NPHP4: variants seen among roughly 807,000 people sequenced by gnomAD.
NPHP4 encodes nephrocystin-4.
In NPHP4, 151 loss-of-function variants were observed where a neutral mutation model predicts 155.8. The ratio of observed to expected loss-of-function variants is 0.97; its 90% CI spans 0.85 to 1.11. The LOEUF (loss-of-function observed/expected upper bound fraction) is 1.11, where lower values mean the gene tolerates loss of function less well. Ranked by LOEUF, NPHP4 falls within the 50% of genes least tolerant of loss-of-function variation. The pLI is 0.00. For synonymous variants in NPHP4, 845 were observed against 816.8 expected (o/e 1.03, Z -0.59); for missense variants, 1,956 against 1,925.7 (o/e 1.02, Z -0.29).
intron 18 of NPHP4, among the ~76,000 whole-genome samples, chr1:5,883,519 G>A (rs1643493414): frequency 6.6e-6 from 1 of 152,162 alleles, no homozygotes; most frequent in African/African-American, 2.4e-5. Flanking sequence ...AGCAGCTCAC[G>A]GGCTGGCAGT....
intron 22 of NPHP4, chr1:5,873,695 C>G (rs554978470): frequency 1.3e-4 from 47 of 357,648 alleles, no homozygotes; most frequent in African/African-American, 9.9e-4. Flanking sequence ...GAGCTGACCC[C>G]AAAAGGTCAA....
intron 7 of NPHP4, among the ~76,000 whole-genome samples, chr1:5,949,369 C>CACACACACACACACACACACACACAAT (rs1047844844): frequency 6.6e-5 from 10 of 151,822 alleles, no homozygotes; most frequent in African/African-American, 2.4e-4. Context: ...CACACACACA[C>CACACACACACACACACACACACACAAT]AACTTGCTAA....
intron 1 of NPHP4, among the ~76,000 whole-genome samples, chr1:5,990,791 T>C (rs1656131717): frequency 6.6e-6 from 1 of 152,254 alleles, no homozygotes; most frequent in Admixed American, 6.5e-5. Context: ...CCAGGGCTAA[T>C]GCTGTCTCCT....
At chr1:5,866,574 A>T in intron 25 of NPHP4, 116 bp from the exon 26 acceptor site, 1 of 683,872 alleles carries the variant, frequency 1.5e-6, no homozygotes, top group South Asian at 1.7e-5. Context: ...CCCAGAACGC[A>T]TCTGTTCATG....
chr1:5,972,618 T>C (rs1200831717), intron 3 of NPHP4, among the ~76,000 whole-genome samples: 1 of 152,200 alleles, frequency 6.6e-6, no homozygotes, highest in Non-Finnish European at 1.5e-5. Flanking sequence ...GGTCCCTGCT[T>C]ATGGAAAAGC....
At chr1:5,971,789 G>A (rs1173575488) in intron 3 of NPHP4, among the ~76,000 whole-genome samples, 1 of 150,926 alleles carries the variant, frequency 6.6e-6, no homozygotes, top group Admixed American at 6.6e-5. Flanking sequence ...AACTGAAACT[G>A]CACTATTAAA....
At chr1:5,912,996 C>T (rs1471733775) in intron 11 of NPHP4, among the ~76,000 whole-genome samples, 2 of 152,028 alleles carry the variant, frequency 1.3e-5, no homozygotes, top group South Asian at 2.1e-4. Context: ...ACTAAAAATA[C>T]AAAAATTAGC....
chr1:5,870,103 G>A (rs184034178), intron 23 of NPHP4, among the ~76,000 whole-genome samples: 10 of 152,254 alleles, frequency 6.6e-5, no homozygotes, highest in South Asian at 2.1e-4. Context: ...TACATCTAAC[G>A]CTCAAATCTT....
chr1:5,868,633 T>G (rs989630316), intron 23 of NPHP4, among the ~76,000 whole-genome samples: 2 of 136,992 alleles, frequency 1.5e-5, no homozygotes, highest in Admixed American at 1.5e-4. Flanking sequence ...CATGCAAACA[T>G]GCACCCATGC....
chr1:5,898,731 T>C (rs1433135727), intron 16 of NPHP4, among the ~76,000 whole-genome samples: 3 of 152,248 alleles, frequency 2.0e-5, no homozygotes, highest in African/African-American at 7.2e-5. Flanking sequence ...GGGCTGGGAA[T>C]TGGCTTGTCT....
At position 5,912,752 on chromosome 1, in the gene NPHP4, AAC is replaced by A. The variant is rs369702334; in HGVS notation, c.1442-3541_1442-3540del. Among the ~76,000 whole-genome samples, 1,309 of 152,270 alleles carry A rather than the reference AAC, an allele frequency of 8.6e-3. 13 individuals carry two copies. The highest frequency in any genetic ancestry group is 0.031 in the Middle Eastern group (9 of 294). On this transcript the variant is annotated intron_variant, in intron 11 of 29. Coordinates refer to ENST00000378156, the MANE Select transcript of NPHP4 (RefSeq NM_015102.5). Reference sequence around the variant, plus strand: ...GGTCCCTGATGGAGCCTGAAGTAGTAACACAGTCAGCACAGAATGGAAAGCTG... The same window carrying A: ...GGTCCCTGATGGAGCCTGAAGTAGTAACAGTCAGCACAGAATGGAAAGCTG...
At chr1:5,980,960 T>C (rs1654581827) in intron 2 of NPHP4, among the ~76,000 whole-genome samples, 2 of 152,128 alleles carry the variant, frequency 1.3e-5, no homozygotes, top group Non-Finnish European at 2.9e-5. Flanking sequence ...ACCTGCCCTC[T>C]GAGCCTGCCT....
chr1:5,950,168 G>A (rs887369672), intron 7 of NPHP4, among the ~76,000 whole-genome samples: 1 of 152,164 alleles, frequency 6.6e-6, no homozygotes, highest in African/African-American at 2.4e-5. Flanking sequence ...AGACCTCTTT[G>A]ACTACTGAGT....
chr1:5,947,144 A>T lies in NPHP4; in HGVS notation c.1079T>A (p.Leu360Gln). The change falls in exon 9 of 30, where the codon CTG becomes CAG. Residue 360 changes from leucine (L) to glutamine (Q), a missense_variant. Transcript: ENST00000378156. ...TGCAGGGCTGCTGAACACGTACTCC[A>T]GCTGGAAGATGACCGCAAATGCAGG... ...GHPAFAVIFQ[L>Q]EYVFSSPAGV... 3.7e-6 allele frequency: 6 copies of T among 1,613,990 alleles called. No homozygotes were observed. The highest frequency in any genetic ancestry group is 5.1e-6 in the Non-Finnish European group (6 of 1,179,862).
At chr1:5,883,320 C>T (rs1643477694) in intron 18 of NPHP4, among the ~76,000 whole-genome samples, 2 of 152,054 alleles carry the variant, frequency 1.3e-5, no homozygotes, top group South Asian at 4.1e-4. Flanking sequence ...TGTTCACGCT[C>T]CGGGCCACGC....
intron 5 of NPHP4, among the ~76,000 whole-genome samples, chr1:5,965,042 C>T (rs1651218667): frequency 1.3e-5 from 2 of 148,828 alleles, no homozygotes; most frequent in Admixed American, 6.7e-5. Flanking sequence ...CAGCAATCCT[C>T]CCACCTCAGC....
At chr1:5,888,492 G>A (rs531003854) in intron 17 of NPHP4, 84 of 1,257,820 alleles carry the variant, frequency 6.7e-5, no homozygotes, top group Middle Eastern at 2.5e-4. Flanking sequence ...GGGGGCTTCC[G>A]GTCGCCGCAG....
At chr1:5,979,367 A>T (rs1279728800) in intron 2 of NPHP4, among the ~76,000 whole-genome samples, 2 of 151,978 alleles carry the variant, frequency 1.3e-5, no homozygotes, top group African/African-American at 4.8e-5. Context: ...AGGCTCTCTG[A>T]GATGATCCTT....
chr1:5,915,118 T>C (rs145668844), intron 11 of NPHP4, among the ~76,000 whole-genome samples: 1 of 152,196 alleles, frequency 6.6e-6, no homozygotes, highest in East Asian at 1.9e-4. Context: ...GAGAGAGAAG[T>C]CCTGAGGGAG....
Sources: allele counts gnomAD v4.1 joint callset (sites outside exome capture counted in the v4.1 genomes callset), GRCh38; gene constraint gnomAD v4.1.1; transcripts MANE v1.5; gene names NCBI Gene and HGNC (gene_info 2026-07-23, HGNC 2026-07-21).